TRMT11: variants seen among roughly 807,000 people sequenced by gnomAD.
The protein encoded by TRMT11 is tRNA methyltransferase 11.
A neutral mutation model predicts 62.8 loss-of-function variants in TRMT11; 53 were observed. That is an observed-to-expected ratio of 0.84 (90% confidence interval 0.68 to 1.06). The LOEUF (loss-of-function observed/expected upper bound fraction) is 1.06, where lower values mean the gene tolerates loss of function less well. TRMT11 is among the 50% of genes least tolerant of loss of function. The pLI is 0.00. For synonymous variants in TRMT11, 188 were observed against 190.3 expected (o/e 0.99, Z 0.10); for missense variants, 556 against 553.4 (o/e 1.00, Z -0.05).
chr6:126,167,886 C>T (rs1778286764), intron 21 of TRMT11, among the ~76,000 whole-genome samples: 1 of 152,278 alleles, frequency 6.6e-6, no homozygotes, highest in African/African-American at 2.4e-5. Context: ...CTTTGGTTTC[C>T]AGCCCTGTCT....
intron 21 of TRMT11, among the ~76,000 whole-genome samples, chr6:126,163,389 C>G (rs1778219785): frequency 6.6e-6 from 1 of 152,180 alleles, no homozygotes; most frequent in African/African-American, 2.4e-5. Context: ...AGCCTTGCAT[C>G]CCAGGGATGA....
At chr6:126,003,915 G>T (rs1031230300) in intron 7 of TRMT11, among the ~76,000 whole-genome samples, 1 of 151,932 alleles carries the variant, frequency 6.6e-6, no homozygotes, top group African/African-American at 2.4e-5. Flanking sequence ...GAATTCATTT[G>T]TGTTTTCTTC....
the TRMT11 span, among the ~76,000 whole-genome samples, chr6:126,212,114 G>C: frequency 6.6e-6 from 1 of 151,998 alleles, no homozygotes; most frequent in Non-Finnish European, 1.5e-5. Flanking sequence ...CATTTTTTAT[G>C]GCTGAATAGT....
At chr6:126,238,585 A>G in the TRMT11 span, among the ~76,000 whole-genome samples, 1 of 152,076 alleles carries the variant, frequency 6.6e-6, no homozygotes. Context: ...ACAGTTTGTT[A>G]TAATTTCTGT....
Position 126,035,129 on chromosome 6 carries a change from CG to C in TRMT11, c.1261-3575del, listed in dbSNP as rs372630845. Among the ~76,000 whole-genome samples the C allele has an allele frequency of 5.9e-4, 90 of 151,868 alleles. 1 individual carries two copies. The highest frequency in any genetic ancestry group is 2.1e-3 in the African/African-American group (87 of 41,396). ...ATGCTGCATAGAGTATAGTATATTT[CG>C]TATGGTCTGGGTATATTTTAAATGT... On this transcript the variant is annotated intron_variant, in intron 12 of 12. Coordinates refer to ENST00000334379, the MANE Select transcript of TRMT11 (RefSeq NM_001031712.3).
At chr6:126,021,078 C>A in intron 11 of TRMT11, 82 bp from the exon 12 acceptor site, 1 of 1,506,082 alleles carries the variant, frequency 6.6e-7, no homozygotes, top group Non-Finnish European at 9.1e-7. Flanking sequence ...GAAGAACATC[C>A]CACACTACAC....
chr6:126,078,173 A>G (rs1777073976), intron 17 of TRMT11, among the ~76,000 whole-genome samples: 1 of 152,178 alleles, frequency 6.6e-6, no homozygotes, highest in Non-Finnish European at 1.5e-5. Context: ...CACTTTCCTG[A>G]GGGAAATGCA....
downstream of TRMT11, among the ~76,000 whole-genome samples, chr6:126,042,738 T>A (rs1775916451): frequency 6.6e-6 from 1 of 152,302 alleles, no homozygotes; most frequent in South Asian, 2.1e-4. Context: ...CAGTGAAGAT[T>A]AGCTGGGCTT....
At chr6:126,222,967 T>C in the TRMT11 span, among the ~76,000 whole-genome samples, 1 of 151,518 alleles carries the variant, frequency 6.6e-6, no homozygotes, top group Non-Finnish European at 1.5e-5. Flanking sequence ...GTAATGGTCT[T>C]TTGTTTCCAT....
chr6:126,146,444 G>A (rs777763844), intron 21 of TRMT11, among the ~76,000 whole-genome samples: 1 of 151,994 alleles, frequency 6.6e-6, no homozygotes, highest in Non-Finnish European at 1.5e-5. Context: ...TCTAACTGTA[G>A]TTTGGTTCCT....
chr6:126,073,312 G>A (rs1776912110), intron 17 of TRMT11, among the ~76,000 whole-genome samples: 1 of 152,102 alleles, frequency 6.6e-6, no homozygotes, highest in Non-Finnish European at 1.5e-5. Flanking sequence ...CTCTCCTTAT[G>A]ACTACTACAA....
the TRMT11 span, among the ~76,000 whole-genome samples, chr6:126,231,587 C>T: frequency 6.6e-6 from 1 of 152,118 alleles, no homozygotes; most frequent in Admixed American, 6.6e-5. Context: ...AGGGTTGGTG[C>T]CTCTAACCTT....
the TRMT11 span, among the ~76,000 whole-genome samples, chr6:126,246,970 G>A: frequency 1.3e-5 from 2 of 152,184 alleles, no homozygotes; most frequent in East Asian, 3.8e-4. Context: ...AGAGGGCTGC[G>A]GTGAAGGTAG....
downstream of TRMT11, among the ~76,000 whole-genome samples, chr6:126,203,690 T>C (rs1778761222): frequency 6.6e-6 from 1 of 152,188 alleles, no homozygotes; most frequent in African/African-American, 2.4e-5. Context: ...TTTGTGATAG[T>C]CAAAAATTGG....
intron 21 of TRMT11, among the ~76,000 whole-genome samples, chr6:126,121,237 A>G (rs11963634): frequency 0.2 from 30,522 of 152,124 alleles, 4,136 homozygotes; most frequent in Non-Finnish European, 0.3. Flanking sequence ...TTATTTAATG[A>G]ATCAGGTACT....
intron 9 of TRMT11, 49 bp downstream of exon 9, chr6:126,011,466 T>A: frequency 6.6e-7 from 1 of 1,509,254 alleles, no homozygotes; most frequent in Non-Finnish European, 9.1e-7. Context: ...TTTTGTAAAA[T>A]CATTTACATT....
chr6:126,086,794 A>G lies in TRMT11; in HGVS notation c.*1438-26072A>G, dbSNP rs541315708. 3.3e-5 allele frequency among the ~76,000 whole-genome samples: 5 copies of G among 152,200 alleles called. No individual in the cohort carries two copies. In the South Asian group the frequency reaches 1.0e-3, roughly 32 times the overall value. On this transcript the variant is annotated intron_variant and NMD_transcript_variant, in intron 17 of 22. Coordinates refer to the TRMT11 transcript ENST00000648977. ...ATCACGTGACTTTAAGTATTTGTAT[A>G]TATTTCTTCCTCTGAAGGCCTGTGG...
intron 17 of TRMT11, among the ~76,000 whole-genome samples, chr6:126,068,094 G>A (rs1220449189): frequency 6.6e-6 from 1 of 151,924 alleles, no homozygotes; most frequent in Admixed American, 6.6e-5. Flanking sequence ...TAGATCATTT[G>A]GATTTCTTCT....
chr6:126,019,114 AGGT>A (rs1481679753), intron 11 of TRMT11, among the ~76,000 whole-genome samples: 2 of 152,152 alleles, frequency 1.3e-5, no homozygotes, highest in Non-Finnish European at 2.9e-5. Flanking sequence ...TCCTGACCTC[AGGT>A]GATCCACCTG....
Sources: allele counts gnomAD v4.1 joint callset (sites outside exome capture counted in the v4.1 genomes callset), GRCh38; gene constraint gnomAD v4.1.1; transcripts MANE v1.5; gene names NCBI Gene and HGNC (gene_info 2026-07-23, HGNC 2026-07-21).